FAM83G: variants seen among roughly 807,000 people sequenced by gnomAD.
The protein encoded by FAM83G is scaffolding CK1 anchoring protein G, also known as protein FAM83G.
In FAM83G, 38 loss-of-function variants were observed where a neutral mutation model predicts 61.5. That is an observed-to-expected ratio of 0.62 (90% CI 0.48 to 0.81). FAM83G has a LOEUF of 0.81. FAM83G is among the 30% of genes least tolerant of loss of function. The pLI is 0.00. For missense variants in FAM83G, 989 were observed against 1,133.6 expected (o/e 0.87, Z 1.83); for synonymous variants, 470 against 476.1 (o/e 0.99, Z 0.17).
intron 3 of FAM83G, among the ~76,000 whole-genome samples, chr17:18,982,690 C>T (rs1477981195): frequency 1.3e-5 from 2 of 152,186 alleles, no homozygotes; most frequent in Non-Finnish European, 2.9e-5. Flanking sequence ...CCAATCCCCC[C>T]AGGCCTCCAG....
intron 5 of FAM83G, among the ~76,000 whole-genome samples, chr17:18,972,612 C>T (rs1235212577): frequency 6.6e-6 from 1 of 152,180 alleles, no homozygotes; most frequent in Non-Finnish European, 1.5e-5. Context: ...CCTGTAATCC[C>T]AGCACTTTGG....
chr17:18,985,311 A>AG (rs1416750034), intron 3 of FAM83G, among the ~76,000 whole-genome samples: 13 of 152,222 alleles, frequency 8.5e-5, no homozygotes, highest in Non-Finnish European at 2.9e-5. Context: ...AGAAGGATTC[A>AG]GTGACTCTGC....
At position 18,977,890 on chromosome 17, in the gene FAM83G, G is replaced by GGT; in HGVS notation, c.1775_1776insAC (p.Asp592GlufsTer32). 6.2e-7 allele frequency: 1 copy of GGT among 1,610,876 alleles called. No homozygotes were observed. Among genetic ancestry groups the GGT allele is most frequent in the Non-Finnish European group, 8.5e-7 (1 of 1,179,822 alleles). On this transcript the variant is annotated frameshift_variant, in exon 5 of 6. Transcript: ENST00000388995. LOFTEE classifies it high-confidence loss of function. ...CGGAGCTGCCTGAGTGGCTGTCCTG[G>GGT]TCACTGAGGGTTACGTAGTCGTCAT...
chr17:18,991,203 T>C (rs993400637), intron 2 of FAM83G, among the ~76,000 whole-genome samples: 1 of 152,186 alleles, frequency 6.6e-6, no homozygotes, highest in African/African-American at 2.4e-5. Context: ...AGAGCCCTTG[T>C]CTGAGCCCAG....
intron 3 of FAM83G, 131 bp from the exon 4 acceptor site, chr17:18,979,804 G>T: frequency 9.6e-7 from 1 of 1,036,988 alleles, no homozygotes; most frequent in African/African-American, 1.6e-5. Flanking sequence ...GAGGCTGTAA[G>T]GCCTGGAGAA....
chr17:18,977,328 A>T, intron 5 of FAM83G: 1 of 582,474 alleles, frequency 1.7e-6, no homozygotes, highest in Non-Finnish European at 3.0e-6. Flanking sequence ...GGAGACCTCT[A>T]GGTGGGGAAA....
intron 2 of FAM83G, among the ~76,000 whole-genome samples, chr17:18,991,615 C>T (rs1421722711): frequency 6.6e-6 from 1 of 152,218 alleles, no homozygotes; most frequent in African/African-American, 2.4e-5. Context: ...TTGTTCCGCT[C>T]CTGAGGCAGG....
chr17:18,988,573 G>A (rs1033072344), intron 2 of FAM83G, among the ~76,000 whole-genome samples, 159 bp from the exon 3 acceptor site: 2 of 152,228 alleles, frequency 1.3e-5, no homozygotes, highest in African/African-American at 4.8e-5. Context: ...GAAGTGAGGG[G>A]CCAGGGGCCT....
rs767936992 is a variant in FAM83G, at chr17:19,003,554, TC to T, written c.487del (p.Glu163ArgfsTer6). ...PPIDGQAHIK[E>X]VVRKMISQAQ... ...CTGGCTGATCATCTTCCGCACCACCTCTTTGATGTGGGCCTGCCCGTCTATG... is the reference window on the plus strand; with the variant it reads ...CTGGCTGATCATCTTCCGCACCACCTTTTGATGTGGGCCTGCCCGTCTATG... On this transcript the variant is annotated frameshift_variant, in exon 2 of 6. Transcript: ENST00000388995. LOFTEE classifies it high-confidence loss of function. The surrounding 1 kb of genome is among the most constrained non-coding windows in gnomAD (Gnocchi z 4.5). 6.4e-7 allele frequency: 1 copy of T among 1,560,408 alleles called. No individual in the cohort carries two copies. Among genetic ancestry groups the T allele is most frequent in the Admixed American group, 1.9e-5 (1 of 51,814 alleles).
chr17:18,969,532 A>C lies in FAM83G; in HGVS notation c.*1827T>G. The C allele has an allele frequency of 9.3e-7, 1 of 1,069,576 alleles. No homozygotes were observed. Among genetic ancestry groups the C allele is most frequent in the Non-Finnish European group, 1.4e-6 (1 of 731,520 alleles). The allele number at this position is 1,069,576 out of a possible 1,614,324, so 66.3% of individuals were successfully genotyped here. ...TCATGCCGTTGGGGTTCTGGGTAGC[A>C]TCGCTGGGAGTGGGTGGGTTCAGGA... On this transcript the variant is annotated 3_prime_UTR_variant, in exon 6 of 6. Coordinates refer to ENST00000388995, the MANE Select transcript of FAM83G (RefSeq NM_001039999.3).
intron 3 of FAM83G, among the ~76,000 whole-genome samples, chr17:18,980,702 G>A (rs2043109192): frequency 6.6e-6 from 1 of 152,150 alleles, no homozygotes; most frequent in Middle Eastern, 3.2e-3. Context: ...TGGAACCCAA[G>A]TGTCGAGGAT....
intron 3 of FAM83G, 87 bp downstream of exon 3, chr17:18,988,160 C>T: frequency 6.5e-7 from 1 of 1,538,512 alleles, no homozygotes; most frequent in African/African-American, 1.4e-5. Flanking sequence ...GGACTCCGTC[C>T]AGAGCAGGCA....
In FAM83G at chr17:18,996,549, A is replaced by G. The variant is rs2043576856; in HGVS notation, c.522+6971T>C. On this transcript the variant is annotated intron_variant, in intron 2 of 5. Transcript: ENST00000388995. This position sits in a 1 kb window ranked among gnomAD's most constrained non-coding sequence, Gnocchi z 4.4. ...AGTCTGTCACCGAGAGGACTAGTTT[A>G]GCTAACAGTCTCATCTTGCCTCCCA... Among the ~76,000 whole-genome samples the G allele has an allele frequency of 6.6e-6, 1 of 152,132 alleles. No individual in the cohort carries two copies. The highest frequency in any genetic ancestry group is 1.5e-5 in the Non-Finnish European group (1 of 68,020).
intron 2 of FAM83G, among the ~76,000 whole-genome samples, chr17:18,995,424 G>A (rs1173231207): frequency 6.6e-6 from 1 of 152,220 alleles, no homozygotes; most frequent in Non-Finnish European, 1.5e-5. Flanking sequence ...AGTAGAAACT[G>A]TCCAAAATGA....
rs376972051 is a variant in FAM83G at position 18,977,623 on chromosome 17, C to A, written c.2043G>T (p.Lys681Asn). The A allele has an allele frequency of 2.1e-5, 33 of 1,609,566 alleles. No individual in the cohort carries two copies. The African/African-American group carries it at 4.3e-4, about 21-fold the overall frequency. ...SRGREEADALKRMQAQRSTDK... is the reference protein window; with the variant it reads ...SRGREEADALNRMQAQRSTDK... ...CTGTGGAGCGCTGGGCCTGCATCCT[C>A]TTCAACGCATCTGCTTCTTCTCTTC... Residue 681 changes from lysine to asparagine, a missense_variant, in exon 5 of 6, where the codon AAG (lysine) becomes AAT (asparagine). By Grantham distance (94) the Lys-to-Asn change is moderately conservative. This residue lies in a region of FAM83G where 574 missense variants were observed against 645.1 expected (regional missense o/e 0.89). Transcript: ENST00000388995.
chr17:18,975,306 C>T (rs559709349), intron 5 of FAM83G, among the ~76,000 whole-genome samples: 2 of 152,310 alleles, frequency 1.3e-5, no homozygotes, highest in African/African-American at 4.8e-5. Flanking sequence ...CATTCCTAGC[C>T]TCTGTAATTA....
chr17:19,001,231 G>A (rs2043721738), intron 2 of FAM83G, among the ~76,000 whole-genome samples: 1 of 152,250 alleles, frequency 6.6e-6, no homozygotes, highest in Admixed American at 6.5e-5. Context: ...GACAGATGTG[G>A]CAGGGAAGGA....
chr17:19,003,705 G>C lies in FAM83G; in HGVS notation c.337C>G (p.Pro113Ala), dbSNP rs1450923750. 2.5e-6 allele frequency: 4 copies of C among 1,605,648 alleles called. No individual in the cohort carries two copies. The highest frequency in any genetic ancestry group is 2.6e-6 in the Non-Finnish European group (3 of 1,176,070). ...GADGVPIEAE[P>A]LPSLEYWPQK... Reference sequence around the variant, plus strand: ...GGCCAGTACTCCAGGGAGGGCAGCGGCTCGGCCTCGATGGGGACCCCATCC... The same window carrying C: ...GGCCAGTACTCCAGGGAGGGCAGCGCCTCGGCCTCGATGGGGACCCCATCC... The change falls in exon 2 of 6, where the codon CCG becomes GCG. Residue 113 changes from proline to alanine, a missense_variant. By Grantham distance (27) the Pro-to-Ala change is conservative (BLOSUM62 -1). Around this residue, in one of 3 missense-constraint regions of FAM83G, gnomAD observed 371 missense variants for 404.5 expected, o/e 0.92. Coordinates refer to ENST00000388995, the MANE Select transcript of FAM83G (RefSeq NM_001039999.3). The surrounding 1 kb of genome is among the most constrained non-coding windows in gnomAD (Gnocchi z 4.5).
chr17:18,978,861 G>T lies in FAM83G; in HGVS notation c.816-11C>A. 1 of 1,610,310 alleles carries T rather than the reference G, an allele frequency of 6.2e-7. No homozygotes were observed. ...GCCGACCACGTGAAGCTGCAACAGA[G>T]GGAGGGGGCGCTGGTCAGGCACATG... On this transcript the variant is annotated splice_polypyrimidine_tract_variant and intron_variant, in intron 4 of 5. Transcript: ENST00000388995.
Sources: gnomAD v4.1 joint callset for allele counts (sites outside exome capture counted in the v4.1 genomes callset) on GRCh38, gnomAD v4.1.1 for gene constraint, gnomAD v4.1.1 regional missense constraint, Gnocchi (gnomAD v3.1) non-coding constraint, MANE v1.5 for transcripts, NCBI Gene and HGNC (gene_info 2026-07-23, HGNC 2026-07-21) for gene names.